The following ENTREP2 variants were observed in gnomAD, a reference collection of about 807,000 sequenced individuals.
ENTREP2 encodes the protein endosomal transmembrane epsin interactor 2, also known as protein ENTREP2.
At chr15:29,158,015 C>T in the ENTREP2 span, among the ~76,000 whole-genome samples, 1 of 152,094 alleles carries the variant, frequency 6.6e-6, no homozygotes, top group Non-Finnish European at 1.5e-5. Context: ...CTGCTCCCGG[C>T]CAATAGCGAC....
At chr15:29,171,777 A>G in the ENTREP2 span, among the ~76,000 whole-genome samples, 7 of 152,218 alleles carry the variant, frequency 4.6e-5, no homozygotes, top group Non-Finnish European at 1.0e-4. Context: ...AAAACCATAC[A>G]TGAAAAAAGA....
At chr15:29,410,003 G>A in the ENTREP2 span, among the ~76,000 whole-genome samples, 1 of 152,154 alleles carries the variant, frequency 6.6e-6, no homozygotes, top group African/African-American at 2.4e-5. Flanking sequence ...CTATCATCAC[G>A]TCTGAAGAGC....
the ENTREP2 span, chr15:29,609,919 C>G: frequency 1.3e-5 from 2 of 150,468 alleles, 1 homozygote; most frequent in Non-Finnish European, 3.0e-5. Flanking sequence ...TGGCCCACAG[C>G]CCAGGTAGAC....
At chr15:29,357,881 C>A in the ENTREP2 span, among the ~76,000 whole-genome samples, 1 of 151,524 alleles carries the variant, frequency 6.6e-6, no homozygotes, top group Non-Finnish European at 1.5e-5. Context: ...ACTGGTTGAT[C>A]TCATTAGGAA....
At chr15:29,325,313 G>A in the ENTREP2 span, among the ~76,000 whole-genome samples, 14,723 of 151,278 alleles carry the variant, frequency 0.097, 845 homozygotes, top group East Asian at 0.2. Flanking sequence ...GCAAACAGAA[G>A]AAAGAAAATA....
chr15:29,357,647 C>G, the ENTREP2 span, among the ~76,000 whole-genome samples: 1 of 151,962 alleles, frequency 6.6e-6, no homozygotes, highest in South Asian at 2.1e-4. Context: ...ACCATCCTGC[C>G]TAACATGGTG....
At chr15:29,609,643 T>A in the ENTREP2 span, 7 of 150,066 alleles carry the variant, frequency 4.7e-5, no homozygotes, top group Non-Finnish European at 8.9e-5. Flanking sequence ...ATTATTATTG[T>A]TACCCAATTA....
the ENTREP2 span, among the ~76,000 whole-genome samples, chr15:29,570,185 G>A: frequency 1.3e-5 from 2 of 151,592 alleles, no homozygotes; most frequent in South Asian, 4.2e-4. Flanking sequence ...TCGTGTCCCC[G>A]GCGCGCGCGG....
chr15:29,615,293 T>C, the ENTREP2 span, among the ~76,000 whole-genome samples: 1 of 152,038 alleles, frequency 6.6e-6, no homozygotes, highest in Non-Finnish European at 1.5e-5. Flanking sequence ...GTAGCTGGGA[T>C]CACAGGCACA....
chr15:29,479,067 C>T, the ENTREP2 span, among the ~76,000 whole-genome samples: 19 of 148,228 alleles, frequency 1.3e-4, no homozygotes, highest in African/African-American at 2.7e-4. Flanking sequence ...ATTAGCCGGG[C>T]GTGGTGGCGG....
chr15:29,462,538 A>G, the ENTREP2 span, among the ~76,000 whole-genome samples: 5 of 152,088 alleles, frequency 3.3e-5, no homozygotes, highest in Admixed American at 3.3e-4. Flanking sequence ...TGAACCCAGG[A>G]GGTGGAGGTT....
At chr15:29,274,562 G>A in the ENTREP2 span, among the ~76,000 whole-genome samples, 1 of 152,126 alleles carries the variant, frequency 6.6e-6, no homozygotes, top group Non-Finnish European at 1.5e-5. Flanking sequence ...TGGCATCAGG[G>A]GATTAAGTGA....
the ENTREP2 span, among the ~76,000 whole-genome samples, chr15:29,577,799 G>A: frequency 7.9e-5 from 12 of 152,180 alleles, no homozygotes; most frequent in Non-Finnish European, 1.5e-4. Flanking sequence ...AACAAACCAT[G>A]AACATTAGGC....
At chr15:29,526,732 A>C in the ENTREP2 span, among the ~76,000 whole-genome samples, 3 of 151,934 alleles carry the variant, frequency 2.0e-5, no homozygotes, top group African/African-American at 7.3e-5. Context: ...AGCCTCCCAA[A>C]GTGCTGGGAT....
At chr15:29,281,936 G>C in the ENTREP2 span, among the ~76,000 whole-genome samples, 1 of 152,200 alleles carries the variant, frequency 6.6e-6, no homozygotes, top group Non-Finnish European at 1.5e-5. Flanking sequence ...CTACAGGTTG[G>C]TAGTCTGCCT....
the ENTREP2 span, among the ~76,000 whole-genome samples, chr15:29,219,394 C>A: frequency 6.6e-6 from 1 of 151,810 alleles, no homozygotes; most frequent in Non-Finnish European, 1.5e-5. Flanking sequence ...AATGCAATCA[C>A]TATGGAAAAC....
the ENTREP2 span, among the ~76,000 whole-genome samples, chr15:29,225,522 T>A: frequency 9.9e-5 from 15 of 152,234 alleles, no homozygotes; most frequent in African/African-American, 3.4e-4. Flanking sequence ...AGGACCTATC[T>A]ACAGGGATGA....
At chr15:29,516,634 A>G in the ENTREP2 span, among the ~76,000 whole-genome samples, 1 of 152,132 alleles carries the variant, frequency 6.6e-6, no homozygotes, top group African/African-American at 2.4e-5. Flanking sequence ...AAAGAGCTTC[A>G]CTTCCATGCA....
chr15:29,349,201 T>C, the ENTREP2 span, among the ~76,000 whole-genome samples: 1 of 152,206 alleles, frequency 6.6e-6, no homozygotes, highest in Middle Eastern at 3.4e-3. Context: ...CCTTCCTGCA[T>C]GGTACAGTGA....
Sources: allele counts gnomAD v4.1 joint callset (sites outside exome capture counted in the v4.1 genomes callset), GRCh38; gene constraint gnomAD v4.1.1; transcripts MANE v1.5; gene names NCBI Gene and HGNC (gene_info 2026-07-23, HGNC 2026-07-21).